FSTL5: variants seen among roughly 807,000 people sequenced by gnomAD.
FSTL5 encodes follistatin like 5.
FSTL5 carries 62 observed loss-of-function variants against 89.1 expected under a neutral mutation model. That is an observed-to-expected ratio of 0.70 (90% CI 0.57 to 0.86). The LOEUF is 0.86. Among genes scored for constraint, FSTL5 ranks in the 40% least tolerant of loss-of-function variants. FSTL5 has a pLI of 0.00. For missense variants in FSTL5, 1,057 were observed against 1,001.6 expected, an observed-to-expected ratio of 1.06 and a Z score of -0.75; for synonymous variants, 383 against 346.2, an observed-to-expected ratio of 1.11 and a Z score of -1.18.
chr4:161,647,196 C>T (rs1196793656), intron 7 of FSTL5, among the ~76,000 whole-genome samples: 3 of 152,036 alleles, frequency 2.0e-5, no homozygotes, highest in Non-Finnish European at 4.4e-5. Context: ...AGACAAAAGT[C>T]CAACCTGATA....
At chr4:161,503,669 T>C (rs551664781) in intron 11 of FSTL5, among the ~76,000 whole-genome samples, 1 of 152,110 alleles carries the variant, frequency 6.6e-6, no homozygotes, top group African/African-American at 2.4e-5. Flanking sequence ...GGAGATTGTA[T>C]ACTTACTCAA....
At chr4:161,548,943 C>A (rs1011250080) in intron 8 of FSTL5, among the ~76,000 whole-genome samples, 1 of 151,736 alleles carries the variant, frequency 6.6e-6, no homozygotes, top group African/African-American at 2.4e-5. Flanking sequence ...AATTAACATG[C>A]TATCTTTAAT....
intron 4 of FSTL5, among the ~76,000 whole-genome samples, chr4:161,919,083 C>T (rs1733920125): frequency 6.6e-6 from 1 of 151,994 alleles, no homozygotes; most frequent in Non-Finnish European, 1.5e-5. Flanking sequence ...TGTCAAGTAT[C>T]AGTGCAATAG....
At chr4:161,676,583 C>G (rs1737312065) in intron 6 of FSTL5, among the ~76,000 whole-genome samples, 1 of 151,936 alleles carries the variant, frequency 6.6e-6, no homozygotes, top group African/African-American at 2.4e-5. Flanking sequence ...AGCAAACTAC[C>G]ATGACACGTG....
intron 3 of FSTL5, among the ~76,000 whole-genome samples, chr4:161,930,727 AC>A (rs1195233974): frequency 6.6e-6 from 1 of 151,576 alleles, no homozygotes; most frequent in African/African-American, 2.4e-5. Flanking sequence ...TCAACTCTCT[AC>A]CTCTCTGCTC....
chr4:161,420,033 C>G (rs1731927098), intron 15 of FSTL5, among the ~76,000 whole-genome samples: 1 of 152,214 alleles, frequency 6.6e-6, no homozygotes, highest in South Asian at 2.1e-4. Flanking sequence ...CAGGAAACTG[C>G]TGCTCTGCAA....
At chr4:161,891,997 C>G (rs147184603) in intron 4 of FSTL5, among the ~76,000 whole-genome samples, 1 of 151,994 alleles carries the variant, frequency 6.6e-6, no homozygotes, top group African/African-American at 2.4e-5. Context: ...GACAGTTTTG[C>G]TTCAATTTTT....
chr4:161,865,056 A>T (rs977455), intron 4 of FSTL5, among the ~76,000 whole-genome samples: 1 of 151,820 alleles, frequency 6.6e-6, no homozygotes, highest in Non-Finnish European at 1.5e-5. Context: ...GTGATAAAAA[A>T]AAAACCTATG....
At chr4:161,585,987 T>C (rs1317698399) in intron 8 of FSTL5, among the ~76,000 whole-genome samples, 1 of 152,216 alleles carries the variant, frequency 6.6e-6, no homozygotes, top group Non-Finnish European at 1.5e-5. Flanking sequence ...CAACTGTATT[T>C]TCACCAGAAA....
intron 4 of FSTL5, among the ~76,000 whole-genome samples, chr4:161,782,737 A>G (rs1400758947): frequency 6.6e-6 from 1 of 152,184 alleles, no homozygotes; most frequent in Non-Finnish European, 1.5e-5. Flanking sequence ...GCTACTTAAG[A>G]TATAACTTGT....
chr4:161,611,427 C>T, intron 7 of FSTL5, among the ~76,000 whole-genome samples: 1 of 151,596 alleles, frequency 6.6e-6, no homozygotes, highest in East Asian at 1.9e-4. Context: ...TAATTTATAA[C>T]CTTCTACGTA....
At chr4:161,888,648 G>T (rs1258543781) in intron 4 of FSTL5, among the ~76,000 whole-genome samples, 1 of 151,920 alleles carries the variant, frequency 6.6e-6, no homozygotes, top group Non-Finnish European at 1.5e-5. Flanking sequence ...TATTCTAGTG[G>T]TAATGGGTGA....
intron 7 of FSTL5, among the ~76,000 whole-genome samples, chr4:161,619,631 A>C (rs1289513851): frequency 6.6e-6 from 1 of 152,222 alleles, no homozygotes; most frequent in Non-Finnish European, 1.5e-5. Flanking sequence ...AATCAAAACC[A>C]CAATGAGATA....
In FSTL5 at chr4:161,801,681, A is replaced by G. The variant is rs1237714039; in HGVS notation, c.410-25607T>C. ...GGTGAATATTTTATTTTATTTCTGT[A>G]TTATATATAAATATTTATAAGTATC... is the stretch of plus-strand genomic sequence containing the variant. On this transcript the variant is annotated intron_variant, in intron 4 of 15. Coordinates refer to ENST00000306100, the MANE Select transcript of FSTL5 (RefSeq NM_020116.5). 8.6e-5 allele frequency among the ~76,000 whole-genome samples: 13 copies of G among 150,932 alleles called. No homozygotes were observed. In the South Asian group the frequency reaches 2.1e-3, roughly 24 times the overall value.
chr4:161,509,359 A>G (rs1465767908), intron 11 of FSTL5, among the ~76,000 whole-genome samples: 1 of 152,178 alleles, frequency 6.6e-6, no homozygotes, highest in Non-Finnish European at 1.5e-5. Context: ...ACTTTCATTA[A>G]CGAGTGAATT....
intron 2 of FSTL5, among the ~76,000 whole-genome samples, chr4:162,077,046 T>C (rs1186990539): frequency 6.6e-6 from 1 of 151,820 alleles, no homozygotes; most frequent in Non-Finnish European, 1.5e-5. Flanking sequence ...TTTTAATGCA[T>C]TTTTTGTTGT....
intron 6 of FSTL5, among the ~76,000 whole-genome samples, chr4:161,702,491 G>A (rs534634703): frequency 8.7e-4 from 133 of 152,148 alleles, no homozygotes; most frequent in African/African-American, 3.0e-3. Flanking sequence ...CCAAAAGGGG[G>A]TGCCATACCA....
Position 161,582,939 on chromosome 4 carries a change from G to A in FSTL5, c.1015+4516C>T, listed in dbSNP as rs187176677. ...GTGGTGGCTCATGCCTGTAATCCCA[G>A]CACTTTGGGAGGCTGAAGCGGGTGA... On this transcript the variant is annotated intron_variant, in intron 8 of 15. Coordinates refer to ENST00000306100, the MANE Select transcript of FSTL5 (RefSeq NM_020116.5). Among the ~76,000 whole-genome samples, 29 of 152,248 alleles carry A rather than the reference G, an allele frequency of 1.9e-4. No individual in the cohort carries two copies. In the East Asian group the frequency reaches 5.6e-3, roughly 30 times the overall value.
chr4:161,878,669 A>G (rs1560895761), intron 4 of FSTL5, among the ~76,000 whole-genome samples: 1 of 151,530 alleles, frequency 6.6e-6, no homozygotes, highest in African/African-American at 2.4e-5. Flanking sequence ...TGAATTGTAA[A>G]ATAAAATAGA....
Sources: gnomAD v4.1 joint callset for allele counts (sites outside exome capture counted in the v4.1 genomes callset) on GRCh38, gnomAD v4.1.1 for gene constraint, MANE v1.5 for transcripts, NCBI Gene and HGNC (gene_info 2026-07-23, HGNC 2026-07-21) for gene names.